Variants in OR10R2 observed in about 807,000 individuals in gnomAD.
OR10R2 encodes the protein olfactory receptor family 10 subfamily R member 2.
In OR10R2, 1 loss-of-function variant was observed where a neutral mutation model predicts 2.4. The ratio of observed to expected loss-of-function variants is 0.41; its 90% CI spans 0.15 to 1.95. The LOEUF is 1.95. OR10R2 is among the 30% of genes most tolerant of loss of function. The pLI is 0.30. For missense variants in OR10R2, 419 were observed against 373.0 expected (o/e 1.12, Z -1.01); for synonymous variants, 166 against 144.8 (o/e 1.15, Z -1.05).
At position 158,472,284 on chromosome 1, in the gene OR10R2, C is replaced by A. The variant is rs1021229185; in HGVS notation, c.-42C>A. ...AGAAAAAAAGCTCCTTAATTATACTCATTAGGCCTGTAGCTGATCCAGCCC... is the reference window on the plus strand; with the variant it reads ...AGAAAAAAAGCTCCTTAATTATACTAATTAGGCCTGTAGCTGATCCAGCCC... On this transcript the variant is annotated 5_prime_UTR_variant, in exon 1 of 2. Coordinates refer to ENST00000641067, the Ensembl canonical transcript of OR10R2. 6 of 398,968 alleles carry A rather than the reference C, an allele frequency of 1.5e-5. No individual in the cohort carries two copies. The East Asian group carries it at 2.1e-4, about 14-fold the overall frequency. 24.7% of individuals were successfully genotyped at this position (398,968 alleles called of 1,614,324 possible). A position where few individuals can be genotyped will look rare whatever the true frequency, so the allele number is the denominator to read the frequency against.
At chr1:158,480,473 G>A in exon 2 of OR10R2, 1 of 1,613,528 alleles carries the variant, frequency 6.2e-7, no homozygotes, top group Non-Finnish European at 8.5e-7. Flanking sequence ...CATTACTTCT[G>A]TGACATCTCA....
chr1:158,479,834 G>A, intron 1 of OR10R2, 104 bp from the exon 2 acceptor site: 7 of 1,225,676 alleles, frequency 5.7e-6, no homozygotes, highest in Non-Finnish European at 8.1e-6. Context: ...TGAATAAAAG[G>A]CAAGATTCTT....
At chr1:158,473,194 T>TTTTGAATA (rs1371775824) in intron 1 of OR10R2, among the ~76,000 whole-genome samples, 6 of 152,196 alleles carry the variant, frequency 3.9e-5, no homozygotes, top group African/African-American at 1.4e-4. Flanking sequence ...TTTTGTCAGA[T>TTTTGAATA]TTTGAATATT....
intron 1 of OR10R2, among the ~76,000 whole-genome samples, chr1:158,475,397 T>A (rs1416042327): frequency 2.6e-5 from 4 of 152,140 alleles, no homozygotes; most frequent in Non-Finnish European, 4.4e-5. Flanking sequence ...ATCTTATTAG[T>A]AAATTTTTTG....
intron 1 of OR10R2, 96 bp from the exon 2 acceptor site, chr1:158,479,842 C>A: frequency 7.6e-7 from 1 of 1,321,590 alleles, no homozygotes; most frequent in South Asian, 1.4e-5. Flanking sequence ...AGGCAAGATT[C>A]TTCTTTGTCA....
chr1:158,472,372 C>T lies in OR10R2; in HGVS notation c.27+20C>T, dbSNP rs1656182199. On this transcript the variant is annotated intron_variant, in intron 1 of 1. Transcript: ENST00000641067. The stretch of plus-strand genomic sequence containing the variant: ...GAAGTAGTAAGTCATTTGTTGCTGT[C>T]TTGAAAAATTTTAAGAGACTAGCAG... 1 of 398,982 alleles carries T rather than the reference C, an allele frequency of 2.5e-6. No homozygotes were observed. The allele number at this position is 398,982 out of a possible 1,614,324, so 24.7% of individuals were successfully genotyped here.
chr1:158,474,969 A>G (rs1656244059), intron 1 of OR10R2, among the ~76,000 whole-genome samples: 1 of 152,208 alleles, frequency 6.6e-6, no homozygotes, highest in East Asian at 1.9e-4. Context: ...TAAGAAAATA[A>G]TACCACTAGA....
intron 1 of OR10R2, among the ~76,000 whole-genome samples, chr1:158,474,202 C>T (rs1656228862): frequency 6.6e-6 from 1 of 152,030 alleles, no homozygotes; most frequent in African/African-American, 2.4e-5. Flanking sequence ...CCTATCCTCT[C>T]CCATCTTCTC....
At chr1:158,480,121 T>C in exon 2 of OR10R2, 1 of 1,613,880 alleles carries the variant, frequency 6.2e-7, no homozygotes, top group Non-Finnish European at 8.5e-7. Flanking sequence ...AATGTACTTC[T>C]TCCTTGGCAT....
chr1:158,472,595 T>C (rs894373409), intron 1 of OR10R2, among the ~76,000 whole-genome samples: 1 of 152,240 alleles, frequency 6.6e-6, no homozygotes, highest in Non-Finnish European at 1.5e-5. Context: ...AATTAAATTA[T>C]CTAAAATCTT....
At chr1:158,474,870 A>G (rs546710323) in intron 1 of OR10R2, among the ~76,000 whole-genome samples, 2 of 152,296 alleles carry the variant, frequency 1.3e-5, no homozygotes, top group South Asian at 4.1e-4. Context: ...AACCTCAGTG[A>G]TGTAATAAAC....
intron 1 of OR10R2, among the ~76,000 whole-genome samples, chr1:158,478,957 T>A (rs1387763043): frequency 1.3e-5 from 2 of 152,190 alleles, no homozygotes; most frequent in Admixed American, 6.5e-5. Context: ...TATCTTCTTT[T>A]GTAAAATGTG....
rs1260531663 is a variant in OR10R2, at chr1:158,473,825, CTTTCCCTCTCTG to C, written c.27+1474_27+1485del. Among the ~76,000 whole-genome samples, 665 of 132,306 alleles carry C rather than the reference CTTTCCCTCTCTG, an allele frequency of 5.0e-3. 1 individual carries two copies. The highest frequency in any genetic ancestry group is 0.013 in the African/African-American group (373 of 28,896). The allele number at this position is 132,306 out of a possible 152,430, so 86.8% of individuals were successfully genotyped here. On this transcript the variant is annotated intron_variant, in intron 1 of 1. Coordinates refer to ENST00000641067, the Ensembl canonical transcript of OR10R2. ...CTGCTTCCTTCCTCCCTCCTTCCCT[CTTTCCCTCTCTG>C]CTTCCTCCCTCCCTCCTTCCCTCTT...
intron 1 of OR10R2, among the ~76,000 whole-genome samples, chr1:158,477,347 GA>G (rs1244564449): frequency 6.6e-6 from 1 of 152,142 alleles, no homozygotes; most frequent in Non-Finnish European, 1.5e-5. Flanking sequence ...CAAATAGGAA[GA>G]AAATGTCAAA....
chr1:158,480,892 A>G (rs777648294), exon 2 of OR10R2: 93 of 1,199,316 alleles, frequency 7.8e-5, no homozygotes, highest in Non-Finnish European at 9.9e-5. Flanking sequence ...TTGAAATATT[A>G]TTACATTTTA....
At chr1:158,480,605 G>T (rs1244617110) in exon 2 of OR10R2, 1 of 1,613,612 alleles carries the variant, frequency 6.2e-7, no homozygotes, top group African/African-American at 1.3e-5. Context: ...TGCATTCTGA[G>T]GACTATCCTG....
chr1:158,477,125 A>G (rs1354609032), intron 1 of OR10R2, among the ~76,000 whole-genome samples: 32 of 152,328 alleles, frequency 2.1e-4, no homozygotes, highest in East Asian at 3.9e-4. Flanking sequence ...AAAATTTTCA[A>G]TAAAATCTAA....
At chr1:158,474,329 A>T (rs771609762) in intron 1 of OR10R2, 10 of 152,192 alleles carry the variant, frequency 6.6e-5, no homozygotes, top group African/African-American at 9.7e-5. Flanking sequence ...AGTCAACAGG[A>T]GTGGAGGTAA....
chr1:158,475,794 G>C (rs1272218864), intron 1 of OR10R2, among the ~76,000 whole-genome samples: 1 of 151,258 alleles, frequency 6.6e-6, no homozygotes, highest in Admixed American at 6.6e-5. Flanking sequence ...CAAATTTTCT[G>C]TCCAGTAATA....
Sources: gnomAD v4.1 joint callset for allele counts (sites outside exome capture counted in the v4.1 genomes callset) on GRCh38, gnomAD v4.1.1 for gene constraint, MANE v1.5 for transcripts, NCBI Gene and HGNC (gene_info 2026-07-23, HGNC 2026-07-21) for gene names.